The following CSMD1 variants were observed in gnomAD, a reference collection of about 807,000 sequenced individuals.
CSMD1 encodes CUB and Sushi multiple domains 1.
A neutral mutation model predicts 417.5 loss-of-function variants in CSMD1; 213 were observed. That is an observed-to-expected ratio of 0.51 (90% confidence interval 0.46 to 0.57). The LOEUF (loss-of-function observed/expected upper bound fraction) is 0.57, where lower values mean the gene tolerates loss of function less well. Ranked by LOEUF, CSMD1 falls within the 20% of genes least tolerant of loss-of-function variation. CSMD1 has a pLI of 0.00. For synonymous variants in CSMD1, 2,862 were observed against 1,736.8 expected (o/e 1.65, Z -16.11); for missense variants, 6,923 against 4,529.7 (o/e 1.53, Z -15.17).
At chr8:3,932,085 G>A (rs978645024) in intron 5 of CSMD1, among the ~76,000 whole-genome samples, 1 of 150,320 alleles carries the variant, frequency 6.7e-6, no homozygotes, top group African/African-American at 2.5e-5. Context: ...CTATTGGAAT[G>A]ACACACATCC....
rs183698406 is a variant in CSMD1 at position 4,192,516 on chromosome 8, C to A, written c.416-160417G>T. Reference sequence around the variant, plus strand: ...AAACTAAAGCCCGTTTAAGACAATACCCCCTGACCTTTCAGCAACAGGGGC... The same window carrying A: ...AAACTAAAGCCCGTTTAAGACAATAACCCCTGACCTTTCAGCAACAGGGGC... On this transcript the variant is annotated intron_variant, in intron 3 of 69. Coordinates refer to ENST00000635120, the MANE Select transcript of CSMD1 (RefSeq NM_033225.6). Among the ~76,000 whole-genome samples, 91 of 151,510 alleles carry A rather than the reference C, an allele frequency of 6.0e-4. 1 individual carries two copies. Among genetic ancestry groups the A allele is most frequent in the Admixed American group, 5.8e-3 (89 of 15,280 alleles).
chr8:4,505,819 T>C (rs76843525), intron 2 of CSMD1, among the ~76,000 whole-genome samples: 1 of 151,908 alleles, frequency 6.6e-6, no homozygotes, highest in Non-Finnish European at 1.5e-5. Context: ...TTTTTTTTTT[T>C]AGATAGAGTC....
At chr8:3,630,003 C>A (rs1563214272) in intron 7 of CSMD1, among the ~76,000 whole-genome samples, 1 of 152,228 alleles carries the variant, frequency 6.6e-6, no homozygotes, top group African/African-American at 2.4e-5. Flanking sequence ...TTTGAACAGG[C>A]CCCAGAGTTT....
At chr8:3,338,406 A>C (rs182897003) in intron 23 of CSMD1, among the ~76,000 whole-genome samples, 1 of 152,240 alleles carries the variant, frequency 6.6e-6, no homozygotes, top group Non-Finnish European at 1.5e-5. Context: ...GTGTAAATCA[A>C]AACACAGCTA....
chr8:3,700,383 C>T (rs1482200210), intron 7 of CSMD1: 1 of 152,050 alleles, frequency 6.6e-6, no homozygotes, highest in Admixed American at 6.6e-5. Context: ...GTTTATGATA[C>T]ACACTCAAAT....
chr8:4,343,587 T>C (rs764821201), intron 3 of CSMD1, among the ~76,000 whole-genome samples: 9 of 152,118 alleles, frequency 5.9e-5, no homozygotes, highest in Admixed American at 2.0e-4. Context: ...ATAAAGTATA[T>C]TTTTATCTAA....
At chr8:4,545,951 C>CTT (rs1391581076) in intron 2 of CSMD1, among the ~76,000 whole-genome samples, 1 of 152,126 alleles carries the variant, frequency 6.6e-6, no homozygotes, top group African/African-American at 2.4e-5. Flanking sequence ...CAGAAAGAAA[C>CTT]TTTCTCCCAT....
At chr8:4,350,177 T>G (rs960350208) in intron 3 of CSMD1, among the ~76,000 whole-genome samples, 2 of 152,116 alleles carry the variant, frequency 1.3e-5, no homozygotes, top group Non-Finnish European at 2.9e-5. Context: ...TTACAAGCCT[T>G]CTCTTCTTTT....
At chr8:3,187,818 G>T in intron 36 of CSMD1, 51 bp downstream of exon 36, 3 of 1,323,720 alleles carry the variant, frequency 2.3e-6, no homozygotes, top group South Asian at 2.4e-5. Context: ...TTGTTTTCTT[G>T]GTGTTTGCAG....
In CSMD1 at chr8:4,208,094, A is replaced by G. The variant is rs1238140802; in HGVS notation, c.416-175995T>C. Among the ~76,000 whole-genome samples the G allele has an allele frequency of 5.3e-5, 8 of 152,292 alleles. No individual in the cohort carries two copies. The East Asian group carries it at 1.2e-3, about 22-fold the overall frequency. On this transcript the variant is annotated intron_variant, in intron 3 of 69. Transcript: ENST00000635120. ...ATGTGTTTACTATCTATTTAATGCA[A>G]TATCAGGACAAGCAATTTCATACAC...
At chr8:4,889,750 A>G (rs958206133) in intron 1 of CSMD1, among the ~76,000 whole-genome samples, 1 of 152,116 alleles carries the variant, frequency 6.6e-6, no homozygotes, top group Non-Finnish European at 1.5e-5. Context: ...TTTTTGACAC[A>G]TTATATTTTA....
chr8:4,428,331 C>G (rs866084730), intron 2 of CSMD1, among the ~76,000 whole-genome samples: 19 of 152,190 alleles, frequency 1.2e-4, no homozygotes, highest in Admixed American at 3.9e-4. Context: ...ACACCTTTCT[C>G]TATCATCTAG....
intron 5 of CSMD1, among the ~76,000 whole-genome samples, chr8:3,962,812 G>A (rs1812419797): frequency 6.6e-6 from 1 of 152,104 alleles, no homozygotes; most frequent in Non-Finnish European, 1.5e-5. Context: ...AGGGCAATAA[G>A]TTTCTTTTCA....
At chr8:3,239,089 G>C (rs1038898872) in intron 26 of CSMD1, among the ~76,000 whole-genome samples, 2 of 152,174 alleles carry the variant, frequency 1.3e-5, no homozygotes, top group Non-Finnish European at 2.9e-5. Context: ...TCTGAGGACA[G>C]ACCTGAATTC....
intron 1 of CSMD1, among the ~76,000 whole-genome samples, chr8:4,845,790 C>T (rs571309673): frequency 3.9e-4 from 59 of 152,220 alleles, no homozygotes; most frequent in Non-Finnish European, 5.4e-4. Flanking sequence ...ATCACAAGGG[C>T]GGATTTTACT....
At chr8:3,352,058 T>C (rs1273349573) in intron 21 of CSMD1, among the ~76,000 whole-genome samples, 8 of 152,260 alleles carry the variant, frequency 5.3e-5, no homozygotes, top group African/African-American at 1.9e-4. Flanking sequence ...ATGCTGAACA[T>C]GATTAGCCAT....
chr8:4,116,258 T>A (rs566890822), intron 3 of CSMD1, among the ~76,000 whole-genome samples: 7 of 152,036 alleles, frequency 4.6e-5, no homozygotes, highest in African/African-American at 1.7e-4. Context: ...CCTCCCACAG[T>A]GCTGGGATTA....
chr8:3,673,308 A>C (rs1799181043), intron 7 of CSMD1, among the ~76,000 whole-genome samples: 1 of 152,206 alleles, frequency 6.6e-6, no homozygotes, highest in Admixed American at 6.5e-5. Flanking sequence ...AGCCTGCTTA[A>C]CAGGTAAACT....
At chr8:4,014,628 C>G (rs568494439) in intron 4 of CSMD1, among the ~76,000 whole-genome samples, 87 of 152,290 alleles carry the variant, frequency 5.7e-4, no homozygotes, top group Non-Finnish European at 1.0e-3. Flanking sequence ...CCCAACTTAA[C>G]AAATTCAGAG....
Sources: gnomAD v4.1 joint callset for allele counts (sites outside exome capture counted in the v4.1 genomes callset) on GRCh38, gnomAD v4.1.1 for gene constraint, MANE v1.5 for transcripts, NCBI Gene and HGNC (gene_info 2026-07-23, HGNC 2026-07-21) for gene names.